Variants in GALNT2 observed in about 807,000 individuals in gnomAD.
The protein encoded by GALNT2 is UDP-GalNAc:polypeptide N-acetylgalactosaminyltransferase 2.
GALNT2 carries 31 observed loss-of-function variants against 81.4 expected under a neutral mutation model. That is an observed-to-expected ratio of 0.38 (90% CI 0.29 to 0.51). GALNT2 has a LOEUF of 0.51. GALNT2 is among the 20% of genes least tolerant of loss of function. The pLI is 0.87. For missense variants in GALNT2, 629 were observed against 765.7 expected (o/e 0.82, Z 2.11); for synonymous variants, 303 against 287.4 (o/e 1.05, Z -0.55).
At position 230,250,490 on chromosome 1, in the gene GALNT2, G is replaced by A. The variant is rs565300791; in HGVS notation, c.939G>A (p.Met313Ile). The A allele has an allele frequency of 6.2e-6, 10 of 1,614,042 alleles. No homozygotes were observed. Among genetic ancestry groups the A allele is most frequent in the African/African-American group, 5.3e-5 (4 of 75,020 alleles). Residue 313 changes from methionine (M) to isoleucine (I), a missense_variant, in exon 10 of 16, where the codon ATG becomes ATA. By Grantham distance (10) the Met-to-Ile change is conservative. Coordinates refer to ENST00000366672, the MANE Select transcript of GALNT2 (RefSeq NM_004481.5). Reference protein sequence around the residue: ...TPMIAGGLFVMDKFYFEELGK... With the variant: ...TPMIAGGLFVIDKFYFEELGK... The stretch of plus-strand genomic sequence containing the variant: ...TGATTGCTGGTGGGCTGTTTGTGAT[G>A]GATAAGTTCTATTTTGAAGAACTGG...
intron 1 of GALNT2, among the ~76,000 whole-genome samples, chr1:230,123,792 C>T (rs1302015258): frequency 6.6e-6 from 1 of 152,154 alleles, no homozygotes; most frequent in Non-Finnish European, 1.5e-5. Context: ...CTTCTTTTGT[C>T]TACTTTAACC....
At chr1:230,183,191 A>G (rs765620229) in intron 2 of GALNT2, among the ~76,000 whole-genome samples, 1 of 152,242 alleles carries the variant, frequency 6.6e-6, no homozygotes. Flanking sequence ...TTTGTTGTAG[A>G]CAACATATAA....
In GALNT2 at chr1:230,091,379, C is replaced by T. The variant is rs182032622; in HGVS notation, c.126+23973C>T. Among the ~76,000 whole-genome samples, 50 of 152,152 alleles carry T rather than the reference C, an allele frequency of 3.3e-4. No individual in the cohort carries two copies. In the Middle Eastern group the frequency reaches 0.01, roughly 31 times the overall value. ...GTGAGCCATTGTGCCCGGTCCTCAGCAAACCTTTTCTATCGGCCTATTTCT... is the reference window on the plus strand; with the variant it reads ...GTGAGCCATTGTGCCCGGTCCTCAGTAAACCTTTTCTATCGGCCTATTTCT... On this transcript the variant is annotated intron_variant, in intron 1 of 15. Coordinates refer to ENST00000366672, the MANE Select transcript of GALNT2 (RefSeq NM_004481.5).
chr1:230,067,317 T>C lies in GALNT2; in HGVS notation c.37T>C (p.Phe13Leu). The change falls in exon 1 of 16, where the codon TTC (phenylalanine) becomes CTC (leucine). Residue 13 changes from phenylalanine (F) to leucine (L), a missense_variant. Coordinates refer to ENST00000366672, the MANE Select transcript of GALNT2 (RefSeq NM_004481.5). ...CTCGCGGATGCTGCTCTGCTTCGCC[T>C]TCCTGTGGGTGCTGGGCATCGCCTA... ...RRSRMLLCFA[F>L]LWVLGIAYYM... The C allele has an allele frequency of 7.2e-7, 1 of 1,385,164 alleles. No individual in the cohort carries two copies. Among genetic ancestry groups the C allele is most frequent in the Non-Finnish European group, 9.5e-7 (1 of 1,056,090 alleles). The allele number at this position is 1,385,164 out of a possible 1,614,324, so 85.8% of individuals were successfully genotyped here. A position where few individuals can be genotyped will look rare whatever the true frequency, so the allele number is the denominator to read the frequency against.
chr1:230,212,734 CATT>C (rs1253175617), intron 3 of GALNT2, among the ~76,000 whole-genome samples: 1 of 152,208 alleles, frequency 6.6e-6, no homozygotes, highest in African/African-American at 2.4e-5. Context: ...AAAGCCATGT[CATT>C]ATTCATCAGC....
intron 2 of GALNT2, among the ~76,000 whole-genome samples, chr1:230,199,625 C>A (rs1558136651): frequency 6.6e-6 from 1 of 152,142 alleles, no homozygotes; most frequent in Non-Finnish European, 1.5e-5. Context: ...CATTGTCAAG[C>A]AAACTTGAAA....
At chr1:230,084,067 G>T (rs1193606240) in intron 1 of GALNT2, among the ~76,000 whole-genome samples, 1 of 152,206 alleles carries the variant, frequency 6.6e-6, no homozygotes, top group African/African-American at 2.4e-5. Context: ...GGACACCCGA[G>T]ATTTCCCTGA....
At position 230,193,954 on chromosome 1, in the gene GALNT2, C is replaced by T. The variant is rs574346254; in HGVS notation, c.221-9183C>T. Among the ~76,000 whole-genome samples, 3 of 152,332 alleles carry T rather than the reference C, an allele frequency of 2.0e-5. No individual in the cohort carries two copies. The highest frequency in any genetic ancestry group is 3.4e-3 in the Middle Eastern group (1 of 294). Reference sequence around the variant, plus strand: ...GCCTCCACTCCCAGGCACCATGGACCGTTACAGTCGCCAGCCACTCTCTGC... The same window carrying T: ...GCCTCCACTCCCAGGCACCATGGACTGTTACAGTCGCCAGCCACTCTCTGC... On this transcript the variant is annotated intron_variant, in intron 2 of 15. Coordinates refer to ENST00000366672, the MANE Select transcript of GALNT2 (RefSeq NM_004481.5). The surrounding 1 kb of genome is among the most constrained non-coding windows in gnomAD (Gnocchi z 4.3).
intron 3 of GALNT2, among the ~76,000 whole-genome samples, chr1:230,206,274 T>C (rs1186744477): frequency 6.6e-6 from 1 of 152,192 alleles, no homozygotes; most frequent in Non-Finnish European, 1.5e-5. Flanking sequence ...TATATGTACG[T>C]ATATTTTTTT....
intron 6 of GALNT2, among the ~76,000 whole-genome samples, chr1:230,237,896 C>G (rs924364411): frequency 1.3e-5 from 2 of 151,106 alleles, no homozygotes; most frequent in African/African-American, 2.4e-5. Context: ...AGTGTTGGCA[C>G]TGTAAATCAC....
chr1:230,173,547 G>A (rs896396901), intron 1 of GALNT2, among the ~76,000 whole-genome samples: 23 of 152,198 alleles, frequency 1.5e-4, no homozygotes, highest in African/African-American at 5.6e-4. Context: ...CAAGATCACA[G>A]GCTTTGAATT....
At chr1:230,129,817 A>G (rs1661310444) in intron 1 of GALNT2, among the ~76,000 whole-genome samples, 1 of 152,334 alleles carries the variant, frequency 6.6e-6, no homozygotes, top group South Asian at 2.1e-4. Context: ...TTGACCTGAC[A>G]CTGAAAAGGC....
chr1:230,178,495 C>A (rs1663057701), intron 2 of GALNT2, among the ~76,000 whole-genome samples, 184 bp downstream of exon 2: 1 of 152,176 alleles, frequency 6.6e-6, no homozygotes, highest in East Asian at 1.9e-4. Flanking sequence ...CAAGTTAAAA[C>A]TTTTATAGGA....
intron 1 of GALNT2, chr1:230,091,757 G>A (rs1328999932): frequency 6.6e-6 from 1 of 152,286 alleles, no homozygotes; most frequent in African/African-American, 2.4e-5. Context: ...TGTAGCTGTT[G>A]AATTCAGTCT....
chr1:230,276,062 G>A (rs367956370), intron 15 of GALNT2, among the ~76,000 whole-genome samples: 8 of 133,656 alleles, frequency 6.0e-5, no homozygotes, highest in East Asian at 2.3e-4. Flanking sequence ...ATATATATAC[G>A]TATATATACA....
At chr1:230,255,571 C>T in intron 11 of GALNT2, 1 of 561,264 alleles carries the variant, frequency 1.8e-6, no homozygotes, top group Non-Finnish European at 3.2e-6. Flanking sequence ...TACATGATTC[C>T]ACTCATGTCA....
At chr1:230,274,406 G>C in intron 14 of GALNT2, 39 bp from the exon 15 acceptor site, 1 of 1,607,086 alleles carries the variant, frequency 6.2e-7, no homozygotes, top group Non-Finnish European at 8.5e-7. Context: ...TCACAGCCCG[G>C]TGCATAGCAC....
At chr1:230,145,576 T>C (rs559106382) in intron 1 of GALNT2, among the ~76,000 whole-genome samples, 3 of 152,378 alleles carry the variant, frequency 2.0e-5, no homozygotes, top group African/African-American at 7.2e-5. Context: ...TCCGCTGAGG[T>C]CGGGGCTTAG....
At chr1:230,169,017 C>G (rs1191302867) in intron 1 of GALNT2, among the ~76,000 whole-genome samples, 2 of 152,130 alleles carry the variant, frequency 1.3e-5, no homozygotes, top group African/African-American at 4.8e-5. Context: ...GAGGCTTGGT[C>G]AGGGATTTTT....
Sources: gnomAD v4.1 joint callset for allele counts (sites outside exome capture counted in the v4.1 genomes callset) on GRCh38, gnomAD v4.1.1 for gene constraint, Gnocchi (gnomAD v3.1) non-coding constraint, MANE v1.5 for transcripts, NCBI Gene and HGNC (gene_info 2026-07-23, HGNC 2026-07-21) for gene names.